The following COL6A3 variants were observed in gnomAD, a reference collection of about 807,000 sequenced individuals.
COL6A3 encodes the protein collagen alpha-3(VI) chain.
Under a neutral mutation model 274.1 loss-of-function variants are expected in COL6A3, and 137 were observed. The ratio of observed to expected loss-of-function variants is 0.50; its 90% confidence interval spans 0.44 to 0.58. The LOEUF (loss-of-function observed/expected upper bound fraction) is 0.58, where lower values mean the gene tolerates loss of function less well. Ranked by LOEUF, COL6A3 falls within the 20% of genes least tolerant of loss-of-function variation. COL6A3 has a pLI of 0.00. For synonymous variants in COL6A3, 1,650 were observed against 1,650.6 expected (o/e 1.00, Z 0.01); for missense variants, 3,950 against 4,124.9 (o/e 0.96, Z 1.16).
chr2:237,334,808 C>T lies in COL6A3; in HGVS notation c.9047G>A (p.Gly3016Asp), dbSNP rs773052144. 2 of 1,614,150 alleles carry T rather than the reference C, an allele frequency of 1.2e-6. No individual in the cohort carries two copies. The highest frequency in any genetic ancestry group is 2.2e-5 in the East Asian group (1 of 44,886). ...KLHWERAEPP[G>D]PYFYDLTVTS... ...GACGGTGAGGTCATAAAAATAAGGA[C>T]CGGGGGGCTCAGCCCTCTCCCAGTG... Residue 3016 changes from glycine to aspartate, a missense_variant, in exon 41 of 44, where the codon GGT becomes GAT. By Grantham distance (94) the Gly-to-Asp change is moderately conservative (BLOSUM62 -1). Around this residue, in one of 5 missense-constraint regions of COL6A3, gnomAD observed 1,284 missense variants for 1,349.7 expected, o/e 0.95. Transcript: ENST00000295550.
intron 9 of COL6A3, among the ~76,000 whole-genome samples, chr2:237,369,956 T>A (rs1304827784): frequency 6.6e-6 from 1 of 151,378 alleles, no homozygotes; most frequent in African/African-American, 2.4e-5. Context: ...TCCCTCCTTA[T>A]CCTCCAAGTA....
chr2:237,330,561 G>A (rs898771034), intron 42 of COL6A3, among the ~76,000 whole-genome samples: 2 of 152,158 alleles, frequency 1.3e-5, no homozygotes, highest in African/African-American at 4.8e-5. Context: ...CTGGAATCCT[G>A]AGTGGTTGCT....
chr2:237,367,251 C>A lies in COL6A3; in HGVS notation c.4936G>T (p.Gly1646Cys). ...CTGTCCCTCCTGAAGTTGATGGAAC[C>A]ATCCAACAGGAACACAATGTCTGCT... is the stretch of plus-strand genomic sequence containing the variant. ...KKADIVFLLD[G>C]SINFRRDSFQ... The change falls in exon 11 of 44, where the codon GGT (glycine) becomes TGT (cysteine). Residue 1646 changes from glycine to cysteine, a missense_variant. Gly to Cys is a radical substitution (Grantham distance 159, BLOSUM62 -3). Around this residue, in one of 5 missense-constraint regions of COL6A3, gnomAD observed 632 missense variants for 623.4 expected, o/e 1.01. Coordinates refer to ENST00000295550, the MANE Select transcript of COL6A3 (RefSeq NM_004369.4). 1 of 1,613,766 alleles carries A rather than the reference C, an allele frequency of 6.2e-7. No individual in the cohort carries two copies. The highest frequency in any genetic ancestry group is 8.5e-7 in the Non-Finnish European group (1 of 1,179,786).
chr2:237,334,806 G>T lies in COL6A3; in HGVS notation c.9049C>A (p.Pro3017Thr), dbSNP rs767249760. ...LHWERAEPPG[P>T]YFYDLTVTSA... The stretch of plus-strand genomic sequence containing the variant: ...GTGACGGTGAGGTCATAAAAATAAG[G>T]ACCGGGGGGCTCAGCCCTCTCCCAG... The change falls in exon 41 of 44, where the codon CCT becomes ACT. Residue 3017 changes from proline to threonine, a missense_variant. Transcript: ENST00000295550. 30 of 1,614,042 alleles carry T rather than the reference G, an allele frequency of 1.9e-5. No individual in the cohort carries two copies. The South Asian group carries it at 3.2e-4, about 17-fold the overall frequency.
rs1444521074 is a variant in COL6A3, at chr2:237,360,297, GCTA to G, written c.6211-141_6211-139del. On this transcript the variant is annotated intron_variant, in intron 16 of 43. Transcript: ENST00000295550. ...TTCACCATGGGGAACGCCGATCGAGGCTACGTGAGCCAGGGAGCCTCTTGGGCC... is the reference window on the plus strand; with the variant it reads ...TTCACCATGGGGAACGCCGATCGAGGCGTGAGCCAGGGAGCCTCTTGGGCC... 1.1e-5 allele frequency: 9 copies of G among 856,526 alleles called. No individual in the cohort carries two copies. The African/African-American group carries it at 1.3e-4, about 13-fold the overall frequency. 53.1% of individuals were successfully genotyped at this position (856,526 alleles called of 1,614,324 possible).
chr2:237,395,346 A>C, intron 2 of COL6A3, 142 bp from the exon 3 acceptor site: 1 of 888,778 alleles, frequency 1.1e-6, no homozygotes, highest in South Asian at 1.6e-5. Flanking sequence ...AGGAAGGTAG[A>C]CTCACTTACC....
chr2:237,412,323 C>T (rs2078877619), intron 1 of COL6A3, among the ~76,000 whole-genome samples: 1 of 152,248 alleles, frequency 6.6e-6, no homozygotes, highest in South Asian at 2.1e-4. Context: ...CCACGGTCCA[C>T]CTCCCTTCTT....
At chr2:237,354,749 T>G (rs755053332) in intron 24 of COL6A3, 150 bp downstream of exon 24, 42 of 675,758 alleles carry the variant, frequency 6.2e-5, no homozygotes, top group Non-Finnish European at 9.8e-5. Context: ...CACGGGCATG[T>G]CTTTAACCTT....
At chr2:237,343,347 AG>A (rs1208509986) in intron 36 of COL6A3, 2 of 145,746 alleles carry the variant, frequency 1.4e-5, no homozygotes, top group Non-Finnish European at 3.0e-5. Context: ...AAAAAAAAAA[AG>A]AAAGAAAAAT....
At chr2:237,357,759 G>A in intron 22 of COL6A3, 58 bp downstream of exon 22, 2 of 1,548,760 alleles carry the variant, frequency 1.3e-6, no homozygotes, top group Non-Finnish European at 1.8e-6. Flanking sequence ...GAGCCGAGAA[G>A]TGTGTCCTTT....
chr2:237,324,781 C>T lies in COL6A3; in HGVS notation c.9527G>A (p.Gly3176Glu). ...GATGTTGGCCACCCACGCTTAGGTT[C>T]CCATCACACTGATGACTCCGGGTTT... ...LAKPGVISVMGT is the reference protein window; with the variant it reads ...LAKPGVISVMET Residue 3176 changes from glycine to glutamate, a missense_variant, in exon 44 of 44, where the codon GGA becomes GAA. This residue lies in a region of COL6A3 where 1,284 missense variants were observed against 1,349.7 expected (regional missense o/e 0.95). Coordinates refer to ENST00000295550, the MANE Select transcript of COL6A3 (RefSeq NM_004369.4). 6.2e-7 allele frequency: 1 copy of T among 1,613,844 alleles called. No homozygotes were observed. The highest frequency in any genetic ancestry group is 8.5e-7 in the Non-Finnish European group (1 of 1,180,024).
chr2:237,342,626 A>C (rs2077011353), intron 36 of COL6A3: 1 of 165,428 alleles, frequency 6.0e-6, no homozygotes. Context: ...AGTCCTGTCT[A>C]TCGCCGTACC....
At chr2:237,326,642 T>C (rs1402674903) in intron 42 of COL6A3, 2 of 152,144 alleles carry the variant, frequency 1.3e-5, no homozygotes, top group African/African-American at 2.4e-5. Context: ...TCTCCAAAAC[T>C]CCCTGGAGCC....
chr2:237,363,836 TAGTC>T (rs2077490267), intron 13 of COL6A3, among the ~76,000 whole-genome samples: 2 of 152,354 alleles, frequency 1.3e-5, no homozygotes, highest in African/African-American at 4.8e-5. Flanking sequence ...CACTTTCTGA[TAGTC>T]AGTGCTACCA....
In COL6A3 at chr2:237,378,779, T is replaced by G. The variant is rs1312895317; in HGVS notation, c.2354A>C (p.Glu785Ala). 4 of 1,614,126 alleles carry G rather than the reference T, an allele frequency of 2.5e-6. No homozygotes were observed. Among genetic ancestry groups the G allele is most frequent in the Non-Finnish European group, 3.4e-6 (4 of 1,180,052 alleles). Residue 785 changes from glutamate (E) to alanine (A), a missense_variant, in exon 6 of 44, where the codon GAG (glutamate) becomes GCG (alanine). This residue lies in a region of COL6A3 where 1,934 missense variants were observed against 1,984.3 expected (regional missense o/e 0.97). Transcript: ENST00000295550. The stretch of plus-strand genomic sequence containing the variant: ...TGGGTTAAAAGCAATCTGCTCAAGC[T>G]CTGCCTTATTCGCCTGGCTAGCTCC... ...CVGASQANKA[E>A]LEQIAFNPSL...
In COL6A3 at chr2:237,379,173, T is replaced by G. The variant is rs1368450693; in HGVS notation, c.1960A>C (p.Asn654His). The change falls in exon 6 of 44, where the codon AAT becomes CAT. Residue 654 changes from asparagine to histidine, a missense_variant. This residue lies in a region of COL6A3 where 1,934 missense variants were observed against 1,984.3 expected (regional missense o/e 0.97). Coordinates refer to ENST00000295550, the MANE Select transcript of COL6A3 (RefSeq NM_004369.4). ...ACAAAGTCGCGCACATAAGGGAAATTGGTTTTTCCAACGTTGGCTGATCCA... is the reference window on the plus strand; with the variant it reads ...ACAAAGTCGCGCACATAAGGGAAATGGGTTTTTCCAACGTTGGCTGATCCA... The part of the protein sequence containing the change: ...LDGSANVGKT[N>H]FPYVRDFVMN... The G allele has an allele frequency of 1.2e-6, 2 of 1,614,110 alleles. No homozygotes were observed. Among genetic ancestry groups the G allele is most frequent in the Non-Finnish European group, 1.7e-6 (2 of 1,180,034 alleles).
chr2:237,361,994 T>C lies in COL6A3; in HGVS notation c.6064-163A>G, dbSNP rs989291845. On this transcript the variant is annotated intron_variant, in intron 14 of 43. Coordinates refer to ENST00000295550, the MANE Select transcript of COL6A3 (RefSeq NM_004369.4). The surrounding 1 kb of genome is among the most constrained non-coding windows in gnomAD (Gnocchi z 5.1). ...TGGACGACTGACGATATGATAGAAATTGCCAGCGAAGTCAGGAGGGCCCAG... is the reference window on the plus strand; with the variant it reads ...TGGACGACTGACGATATGATAGAAACTGCCAGCGAAGTCAGGAGGGCCCAG... 4.6e-5 allele frequency among the ~76,000 whole-genome samples: 7 copies of C among 152,016 alleles called. No individual in the cohort carries two copies. The highest frequency in any genetic ancestry group is 8.8e-5 in the Non-Finnish European group (6 of 68,004).
intron 8 of COL6A3, among the ~76,000 whole-genome samples, chr2:237,372,655 G>A (rs1265410738): frequency 2.0e-5 from 3 of 152,200 alleles, no homozygotes; most frequent in Non-Finnish European, 4.4e-5. Flanking sequence ...ACTGGGCTTC[G>A]CCAGAGACAG....
chr2:237,379,087 T>C lies in COL6A3; in HGVS notation c.2046A>G (p.Gln682=), dbSNP rs2077932143. 3 of 1,614,088 alleles carry C rather than the reference T, an allele frequency of 1.9e-6. No homozygotes were observed. Among genetic ancestry groups the C allele is most frequent in the African/African-American group, 1.3e-5 (1 of 74,932 alleles). The change falls in exon 6 of 44, where the codon CAA becomes CAG. Residue 682 remains glutamine, a synonymous_variant. Coordinates refer to ENST00000295550, the MANE Select transcript of COL6A3 (RefSeq NM_004369.4). ...ACTCCGTTACAGGAGTGTCACTAAA[T>C]TGCACTAAACCAACACGAATATTGT... ...GNDNIRVGLV[Q]FSDTPVTEFS... is the part of the protein sequence containing the mutation.
Sources: allele counts gnomAD v4.1 joint callset (sites outside exome capture counted in the v4.1 genomes callset), GRCh38; gene constraint gnomAD v4.1.1; regional missense constraint gnomAD v4.1.1; non-coding constraint Gnocchi (gnomAD v3.1); transcripts MANE v1.5; gene names NCBI Gene and HGNC (gene_info 2026-07-23, HGNC 2026-07-21).